Variants in EXT1 observed in about 807,000 individuals in gnomAD.
The protein encoded by EXT1 is exostosin-1.
In EXT1, 20 loss-of-function variants were observed where a neutral mutation model predicts 82.5. The ratio of observed to expected loss-of-function variants is 0.24; its 90% CI spans 0.17 to 0.35. EXT1 has a LOEUF of 0.35. EXT1 is among the 10% of genes least tolerant of loss of function. The pLI is 1.00. For synonymous variants in EXT1, 348 were observed against 350.8 expected (o/e 0.99, Z 0.09); for missense variants, 757 against 936.5 (o/e 0.81, Z 2.50).
chr8:117,820,202 G>T (rs17450494), intron 5 of EXT1, among the ~76,000 whole-genome samples: 1 of 152,050 alleles, frequency 6.6e-6, no homozygotes, highest in Non-Finnish European at 1.5e-5. Flanking sequence ...CTGACTAATC[G>T]TATTTCAAAT....
intron 1 of EXT1, among the ~76,000 whole-genome samples, chr8:117,956,410 C>T (rs896294871): frequency 2.0e-5 from 3 of 152,114 alleles, no homozygotes; most frequent in African/African-American, 7.2e-5. Flanking sequence ...AGTATTTCAA[C>T]ATAGAGGAAA....
chr8:118,107,336 G>A (rs1817818885), intron 1 of EXT1, among the ~76,000 whole-genome samples: 1 of 152,056 alleles, frequency 6.6e-6, no homozygotes, highest in Admixed American at 6.6e-5. Context: ...AACTGATTGT[G>A]TTTTTACAAG....
intron 1 of EXT1, among the ~76,000 whole-genome samples, chr8:118,067,010 G>A (rs568439118): frequency 1.3e-5 from 2 of 152,310 alleles, no homozygotes; most frequent in East Asian, 3.9e-4. Context: ...GACAGCTGCC[G>A]TCTGTAAGTC....
intron 1 of EXT1, among the ~76,000 whole-genome samples, chr8:117,995,150 CT>C (rs1408149707): frequency 1.3e-5 from 2 of 152,144 alleles, no homozygotes; most frequent in Non-Finnish European, 2.9e-5. Context: ...ATAGATGGAG[CT>C]TTTATTCTGG....
At chr8:117,942,296 T>A (rs747574142) in intron 1 of EXT1, among the ~76,000 whole-genome samples, 4 of 152,200 alleles carry the variant, frequency 2.6e-5, no homozygotes, top group Non-Finnish European at 5.9e-5. Flanking sequence ...CATACATTTA[T>A]CATCACTCCT....
chr8:117,803,358 G>A (rs1462871709), intron 10 of EXT1, among the ~76,000 whole-genome samples: 1 of 151,820 alleles, frequency 6.6e-6, no homozygotes, highest in Non-Finnish European at 1.5e-5. Flanking sequence ...ACTATGACCA[G>A]CTAATTTTTT....
chr8:118,111,049 G>T lies in EXT1; in HGVS notation c.-3C>A. 2 of 1,590,708 alleles carry T rather than the reference G, an allele frequency of 1.3e-6. No individual in the cohort carries two copies. Among genetic ancestry groups the T allele is most frequent in the Non-Finnish European group, 1.7e-6 (2 of 1,175,054 alleles). On this transcript the variant is annotated 5_prime_UTR_variant, in exon 1 of 11. Transcript: ENST00000378204. ...AAATAGCGTTTTTTGGCCTGCATGTGTCCTGCCTGGGTCAAGAGGATTGTA... is the reference window on the plus strand; with the variant it reads ...AAATAGCGTTTTTTGGCCTGCATGTTTCCTGCCTGGGTCAAGAGGATTGTA...
chr8:117,948,308 G>T, intron 1 of EXT1, among the ~76,000 whole-genome samples: 1 of 107,264 alleles, frequency 9.3e-6, no homozygotes, highest in African/African-American at 4.0e-5. Context: ...AAGTCATTCT[G>T]ACTGCCCTTG....
chr8:117,874,701 G>A (rs1812937291), intron 1 of EXT1, among the ~76,000 whole-genome samples: 1 of 151,904 alleles, frequency 6.6e-6, no homozygotes, highest in South Asian at 2.1e-4. Flanking sequence ...AATCTAGGCA[G>A]CATACTACTG....
intron 1 of EXT1, among the ~76,000 whole-genome samples, chr8:118,089,975 G>GT: frequency 6.6e-6 from 1 of 152,334 alleles, no homozygotes; most frequent in South Asian, 2.1e-4. Flanking sequence ...CAAGGCTTTT[G>GT]TAAACAGCCA....
At position 118,043,683 on chromosome 8, in the gene EXT1, G is replaced by A. The variant is rs111925355; in HGVS notation, c.962+66402C>T. ...CCTCCAACTCCAATGCAGACACAGT[G>A]ATTATGGAAAACTCATTCTGCAGTC... On this transcript the variant is annotated intron_variant, in intron 1 of 10. Transcript: ENST00000378204. 3.7e-4 allele frequency among the ~76,000 whole-genome samples: 57 copies of A among 152,310 alleles called. 1 individual carries two copies. Among genetic ancestry groups the A allele is most frequent in the South Asian group, 2.3e-3 (11 of 4,828 alleles).
At chr8:117,816,307 G>C (rs1449317119) in intron 7 of EXT1, among the ~76,000 whole-genome samples, 1 of 152,128 alleles carries the variant, frequency 6.6e-6, no homozygotes, top group Admixed American at 6.5e-5. Flanking sequence ...ATGCCTCCCA[G>C]AAGAGGAGCT....
chr8:117,902,607 T>C (rs1813470752), intron 1 of EXT1, among the ~76,000 whole-genome samples: 1 of 152,228 alleles, frequency 6.6e-6, no homozygotes, highest in South Asian at 2.1e-4. Flanking sequence ...CCAGCACTTT[T>C]ATGGCTTCCC....
intron 1 of EXT1, among the ~76,000 whole-genome samples, chr8:117,987,372 T>C (rs773628593): frequency 6.6e-6 from 1 of 152,152 alleles, no homozygotes; most frequent in Non-Finnish European, 1.5e-5. Context: ...TGCAGATCAA[T>C]GGCAAGGGTT....
chr8:117,804,672 G>A, intron 10 of EXT1, 50 bp downstream of exon 10: 1 of 1,607,076 alleles, frequency 6.2e-7, no homozygotes, highest in Non-Finnish European at 8.5e-7. Context: ...ATTACCTGGG[G>A]CTGAACCACC....
In EXT1 at chr8:117,819,698, G is replaced by C; in HGVS notation, c.1514C>G (p.Ala505Gly). The change falls in exon 6 of 11, where the codon GCC (alanine) becomes GGC (glycine). Residue 505 changes from alanine to glycine, a missense_variant. Coordinates refer to ENST00000378204, the MANE Select transcript of EXT1 (RefSeq NM_000127.3). ...QPVLKLLVAAAKSQYCAQIIV... is the reference protein window; with the variant it reads ...QPVLKLLVAAGKSQYCAQIIV... ...CACCTGGGCACAGTACTGGGACTTG[G>C]CTGCAGCCACGAGAAGCTTCAACAC... The C allele has an allele frequency of 6.2e-7, 1 of 1,612,646 alleles. No individual in the cohort carries two copies. Among genetic ancestry groups the C allele is most frequent in the Non-Finnish European group, 8.5e-7 (1 of 1,180,000 alleles).
At chr8:118,056,473 C>T (rs1816795766) in intron 1 of EXT1, among the ~76,000 whole-genome samples, 1 of 152,176 alleles carries the variant, frequency 6.6e-6, no homozygotes, top group African/African-American at 2.4e-5. Flanking sequence ...TAAACATCCC[C>T]CCTACCCCGG....
chr8:118,099,066 TAAAC>T (rs1326266806), intron 1 of EXT1, among the ~76,000 whole-genome samples: 4 of 152,230 alleles, frequency 2.6e-5, no homozygotes, highest in African/African-American at 4.8e-5. Flanking sequence ...TCTACATTCT[TAAAC>T]AAAGGACAGT....
chr8:117,944,213 G>T (rs1184999126), intron 1 of EXT1, among the ~76,000 whole-genome samples: 3 of 152,076 alleles, frequency 2.0e-5, no homozygotes, highest in Non-Finnish European at 4.4e-5. Flanking sequence ...CTGGCCAACA[G>T]GGCAAAACTC....
Sources: gnomAD v4.1 joint callset for allele counts (sites outside exome capture counted in the v4.1 genomes callset) on GRCh38, gnomAD v4.1.1 for gene constraint, MANE v1.5 for transcripts, NCBI Gene and HGNC (gene_info 2026-07-23, HGNC 2026-07-21) for gene names.